The following EIF3L variants were observed in gnomAD, a reference collection of about 807,000 sequenced individuals.
EIF3L encodes the protein eukaryotic translation initiation factor 3 subunit L.
A neutral mutation model predicts 74.6 loss-of-function variants in EIF3L; 32 were observed. That is an observed-to-expected ratio of 0.43 (90% CI 0.32 to 0.58). The LOEUF is 0.58. EIF3L is among the 20% of genes least tolerant of loss of function. EIF3L has a pLI of 0.06. For synonymous variants in EIF3L, 256 were observed against 254.4 expected, an observed-to-expected ratio of 1.01 and a Z score of -0.06; for missense variants, 474 against 707.8, an observed-to-expected ratio of 0.67 and a Z score of 3.75.
At chr22:37,883,366 G>A (rs1199013295) in intron 11 of EIF3L, 1 of 151,124 alleles carries the variant, frequency 6.6e-6, no homozygotes, top group East Asian at 1.9e-4. Context: ...CAGATCACGA[G>A]GTCAGGAGAT....
At chr22:37,874,038 A>G (rs1283786723) in intron 8 of EIF3L, among the ~76,000 whole-genome samples, 1 of 152,222 alleles carries the variant, frequency 6.6e-6, no homozygotes, top group East Asian at 1.9e-4. Flanking sequence ...TAGTGTTGTT[A>G]TTAGGAAAAT....
rs1926831605 is a variant in EIF3L at position 37,877,791 on chromosome 22, T to A, written c.1195T>A (p.Leu399Met). ...GCGGGAGAAATATGGGGACAAGATGTTGCGCATGCAGAAAGGTGACCCACA... is the reference window on the plus strand; with the variant it reads ...GCGGGAGAAATATGGGGACAAGATGATGCGCATGCAGAAAGGTGACCCACA... ...QLREKYGDKM[L>M]RMQKGDPQVY... The change falls in exon 11 of 13, where the codon TTG (leucine) becomes ATG (methionine). Residue 399 changes from leucine to methionine, a missense_variant. Physicochemically the swap from Leu to Met is conservative, Grantham distance 15. Coordinates refer to ENST00000652021, the MANE Select transcript of EIF3L (RefSeq NM_016091.4). 2 of 1,613,794 alleles carry A rather than the reference T, an allele frequency of 1.2e-6. No homozygotes were observed. Among genetic ancestry groups the A allele is most frequent in the Non-Finnish European group, 1.7e-6 (2 of 1,179,876 alleles).
At chr22:37,877,618 G>T in intron 10 of EIF3L, 56 bp from the exon 11 acceptor site, 1 of 1,533,818 alleles carries the variant, frequency 6.5e-7, no homozygotes, top group Non-Finnish European at 8.8e-7. Flanking sequence ...TTGGCAGTGG[G>T]GACCTCAGGA....
Position 37,874,525 on chromosome 22 carries a change from G to C in EIF3L, c.906+1G>C. On this transcript the variant is annotated splice_donor_variant, in intron 9 of 12. Coordinates refer to ENST00000652021, the MANE Select transcript of EIF3L (RefSeq NM_016091.4). LOFTEE classifies it high-confidence loss of function. Reference sequence around the variant, plus strand: ...GGAGAACATCGAACTGAACAAGAAGGTGATGCCTATTGCCTCTGGCCCCTC... The same window carrying C: ...GGAGAACATCGAACTGAACAAGAAGCTGATGCCTATTGCCTCTGGCCCCTC... 6.2e-7 allele frequency: 1 copy of C among 1,613,236 alleles called. No homozygotes were observed. Among genetic ancestry groups the C allele is most frequent in the Non-Finnish European group, 8.5e-7 (1 of 1,179,410 alleles).
intron 3 of EIF3L, among the ~76,000 whole-genome samples, chr22:37,854,812 C>T (rs1925412797): frequency 2.0e-5 from 3 of 152,144 alleles, no homozygotes; most frequent in Admixed American, 2.0e-4. Context: ...TTCTCCCCAA[C>T]CCCCATCCCG....
Position 37,855,635 on chromosome 22 carries a change from G to T in EIF3L, c.364G>T (p.Val122Phe). ...WPEAEAIAPQVGNDAVFLILY... is the reference protein window; with the variant it reads ...WPEAEAIAPQFGNDAVFLILY... ...CGAGGCTGAAGCCATTGCTCCACAG[G>T]TTGGCAATGGTAGGTGTGAGCTCTT... Residue 122 changes from valine to phenylalanine, a missense_variant, in exon 4 of 13, where the codon GTT becomes TTT. Transcript: ENST00000652021. 6.2e-7 allele frequency: 1 copy of T among 1,613,862 alleles called. No homozygotes were observed. The highest frequency in any genetic ancestry group is 8.5e-7 in the Non-Finnish European group (1 of 1,179,760).
chr22:37,854,247 A>AAG (rs930412000), intron 3 of EIF3L, among the ~76,000 whole-genome samples: 1 of 152,230 alleles, frequency 6.6e-6, no homozygotes, highest in African/African-American at 2.4e-5. Context: ...GAAACTGAGG[A>AAG]AGAGAGTATC....
chr22:37,856,583 G>T (rs998756375), intron 4 of EIF3L, among the ~76,000 whole-genome samples: 1 of 152,156 alleles, frequency 6.6e-6, no homozygotes, highest in South Asian at 2.1e-4. Context: ...AGTGGCTCAC[G>T]CCTGTAATCC....
chr22:37,871,875 A>G (rs1364453455), intron 8 of EIF3L, among the ~76,000 whole-genome samples: 1 of 148,850 alleles, frequency 6.7e-6, no homozygotes, highest in African/African-American at 2.5e-5. Context: ...TCTCGGGGAA[A>G]AAAAAAAAAA....
intron 7 of EIF3L, among the ~76,000 whole-genome samples, chr22:37,864,430 T>C (rs142686820): frequency 7.4e-4 from 112 of 152,182 alleles, no homozygotes; most frequent in African/African-American, 2.6e-3. Flanking sequence ...ATCACCTACC[T>C]CAGGAGTTGC....
Position 37,851,479 on chromosome 22 carries a change from C to CT in EIF3L, c.283dup (p.Tyr95LeufsTer2). On this transcript the variant is annotated frameshift_variant, in exon 3 of 13. Coordinates refer to ENST00000652021, the MANE Select transcript of EIF3L (RefSeq NM_016091.4). LOFTEE classifies it high-confidence loss of function. ...AGAAGGTGTATGAGATCCAGGACAT[C>CT]TATGAGAACAGGTATGGGCTACTGG... The CT allele has an allele frequency of 6.3e-7, 1 of 1,596,734 alleles. No individual in the cohort carries two copies.
chr22:37,875,214 CA>C lies in EIF3L; in HGVS notation c.907-613del, dbSNP rs796421072. On this transcript the variant is annotated intron_variant, in intron 9 of 12. Coordinates refer to ENST00000652021, the MANE Select transcript of EIF3L (RefSeq NM_016091.4). ...TGAAACCCTGTCTCTGTTGAAAATA[CA>C]AAAAAAAAAAAAACTAGCTGGGTAT... 1.2e-3 allele frequency among the ~76,000 whole-genome samples: 140 copies of C among 120,278 alleles called. 1 individual carries two copies. Among genetic ancestry groups the C allele is most frequent in the South Asian group, 2.2e-3 (8 of 3,638 alleles). 78.9% of individuals were successfully genotyped at this position (120,278 alleles called of 152,430 possible).
chr22:37,850,112 T>C, intron 2 of EIF3L, 49 bp downstream of exon 2: 1 of 1,604,754 alleles, frequency 6.2e-7, no homozygotes, highest in Non-Finnish European at 8.5e-7. Flanking sequence ...ATCAGTTCCT[T>C]TGGAATGTCT....
At chr22:37,870,690 C>G (rs1007742761) in intron 8 of EIF3L, among the ~76,000 whole-genome samples, 2 of 151,990 alleles carry the variant, frequency 1.3e-5, no homozygotes, top group African/African-American at 2.4e-5. Context: ...CAAAATGTAT[C>G]TATTTTAAAA....
rs1925942810 is a variant in EIF3L at position 37,863,031 on chromosome 22, C to T, written c.498C>T (p.Tyr166=). The T allele has an allele frequency of 6.2e-7, 1 of 1,613,004 alleles. No homozygotes were observed. The highest frequency in any genetic ancestry group is 1.1e-5 in the South Asian group (1 of 90,944). The change falls in exon 6 of 13, where the codon TAC becomes TAT. Residue 166 remains tyrosine (Y), a synonymous_variant. Coordinates refer to ENST00000652021, the MANE Select transcript of EIF3L (RefSeq NM_016091.4). ...ACAACTACTGCAATCTCTTCAACTACATTCTTAGTGAGTCTGAGATTTGGC... is the reference window on the plus strand; with the variant it reads ...ACAACTACTGCAATCTCTTCAACTATATTCTTAGTGAGTCTGAGATTTGGC... The part of the protein sequence containing the change: ...SYYNYCNLFN[Y]ILNADGPAPL...
chr22:37,886,832 A>G lies in EIF3L; in HGVS notation c.1643A>G (p.His548Arg). 6.2e-6 allele frequency: 10 copies of G among 1,609,176 alleles called. No individual in the cohort carries two copies. Among genetic ancestry groups the G allele is most frequent in the Non-Finnish European group, 8.5e-6 (10 of 1,176,692 alleles). ...RYGDFFIRQI[H>R]KFEELNRTLK... Reference sequence around the variant, plus strand: ...GGGGATTTCTTCATCCGTCAGATCCACAAATTTGAGGAGGTGAGAGATCTG... The same window carrying G: ...GGGGATTTCTTCATCCGTCAGATCCGCAAATTTGAGGAGGTGAGAGATCTG... Residue 548 changes from histidine to arginine, a missense_variant, in exon 12 of 13, where the codon CAC becomes CGC. This residue lies in a region of EIF3L where 293 missense variants were observed against 469.1 expected (regional missense o/e 0.62). Transcript: ENST00000652021.
At chr22:37,874,165 C>T (rs1926623286) in intron 8 of EIF3L, among the ~76,000 whole-genome samples, 1 of 152,130 alleles carries the variant, frequency 6.6e-6, no homozygotes, top group Non-Finnish European at 1.5e-5. Context: ...GAACTGCCAT[C>T]CTGTAAGCAA....
At chr22:37,852,590 G>C (rs932088976) in intron 3 of EIF3L, among the ~76,000 whole-genome samples, 1 of 152,092 alleles carries the variant, frequency 6.6e-6, no homozygotes, top group African/African-American at 2.4e-5. Flanking sequence ...AAGGCCTATT[G>C]ATCAATGAAT....
intron 12 of EIF3L, chr22:37,887,057 T>C: frequency 2.7e-6 from 1 of 373,938 alleles, no homozygotes; most frequent in Non-Finnish European, 5.2e-6. Flanking sequence ...GCCTCCCGCA[T>C]AGCTGGAATT....
Sources: gnomAD v4.1 joint callset for allele counts (sites outside exome capture counted in the v4.1 genomes callset) on GRCh38, gnomAD v4.1.1 for gene constraint, gnomAD v4.1.1 regional missense constraint, MANE v1.5 for transcripts, NCBI Gene and HGNC (gene_info 2026-07-23, HGNC 2026-07-21) for gene names.